MDGA2: variants seen among roughly 807,000 people sequenced by gnomAD.
MDGA2 encodes MAM domain containing glycosylphosphatidylinositol anchor 2, also known as MAM domain-containing glycosylphosphatidylinositol anchor protein 2.
In MDGA2, 40 loss-of-function variants were observed where a neutral mutation model predicts 117.8. That is an observed-to-expected ratio of 0.34 (90% CI 0.26 to 0.44). The LOEUF (loss-of-function observed/expected upper bound fraction) is 0.44. MDGA2 is among the 20% of genes least tolerant of loss of function. MDGA2 has a pLI of 1.00. For synonymous variants in MDGA2, 452 were observed against 439.0 expected, an observed-to-expected ratio of 1.03 and a Z score of -0.37; for missense variants, 1,123 against 1,250.6, an observed-to-expected ratio of 0.90 and a Z score of 1.54.
chr14:47,261,893 A>G (rs1418938492), intron 2 of MDGA2, among the ~76,000 whole-genome samples: 2 of 152,164 alleles, frequency 1.3e-5, no homozygotes, highest in Non-Finnish European at 2.9e-5. Flanking sequence ...TTGCACAGTA[A>G]ACAAGGAGAG....
At chr14:47,066,764 T>C (rs1438777157) in intron 6 of MDGA2, among the ~76,000 whole-genome samples, 4 of 152,082 alleles carry the variant, frequency 2.6e-5, no homozygotes, top group South Asian at 2.1e-4. Context: ...TCTACGCACA[T>C]TTACATTGTC....
At chr14:47,314,829 T>C (rs1273844739) in intron 1 of MDGA2, among the ~76,000 whole-genome samples, 5 of 152,104 alleles carry the variant, frequency 3.3e-5, no homozygotes, top group Non-Finnish European at 4.4e-5. Flanking sequence ...AATCCATAAA[T>C]AGATTACAAT....
chr14:47,257,844 T>A (rs1400659295), intron 2 of MDGA2, among the ~76,000 whole-genome samples: 1 of 152,150 alleles, frequency 6.6e-6, no homozygotes, highest in Non-Finnish European at 1.5e-5. Context: ...ATACTTCTTG[T>A]TCATATTCCT....
chr14:47,342,283 A>T lies in MDGA2; in HGVS notation c.281-40733T>A, dbSNP rs888489715. Among the ~76,000 whole-genome samples, 10 of 139,966 alleles carry T rather than the reference A, an allele frequency of 7.1e-5. No homozygotes were observed. In the East Asian group the frequency reaches 1.5e-3, roughly 21 times the overall value. 91.8% of individuals were successfully genotyped at this position (139,966 alleles called of 152,430 possible). A position where few individuals can be genotyped will look rare whatever the true frequency, so the allele number is the denominator to read the frequency against. ...ATATATATATATATATATATATATA[A>T]AATATGTTATATATATAAATATGTG... On this transcript the variant is annotated intron_variant, in intron 1 of 16. Transcript: ENST00000399232.
chr14:47,362,806 A>C (rs538848625), intron 1 of MDGA2, among the ~76,000 whole-genome samples: 11 of 152,282 alleles, frequency 7.2e-5, no homozygotes, highest in African/African-American at 2.6e-4. Flanking sequence ...GTATTATTTT[A>C]TTGTACTTAT....
chr14:46,870,160 C>A (rs768827391), intron 14 of MDGA2, among the ~76,000 whole-genome samples: 1 of 151,860 alleles, frequency 6.6e-6, no homozygotes, highest in African/African-American at 2.4e-5. Context: ...AGTAATGCAA[C>A]ATATTTAACT....
intron 1 of MDGA2, among the ~76,000 whole-genome samples, chr14:47,642,635 C>T (rs1406070075): frequency 6.6e-6 from 1 of 151,118 alleles, no homozygotes; most frequent in Non-Finnish European, 1.5e-5. Context: ...CTCAATTCTA[C>T]CAGCCCTATC....
At chr14:47,159,179 A>G (rs1883530761) in intron 3 of MDGA2, among the ~76,000 whole-genome samples, 1 of 152,196 alleles carries the variant, frequency 6.6e-6, no homozygotes, top group Admixed American at 6.5e-5. Flanking sequence ...AGCCTAATGT[A>G]AACTATGGAC....
intron 4 of MDGA2, among the ~76,000 whole-genome samples, chr14:47,136,897 A>G (rs1346863128): frequency 6.6e-6 from 1 of 152,236 alleles, no homozygotes; most frequent in African/African-American, 2.4e-5. Context: ...ATGAAGCTGC[A>G]TTTGGGGCCA....
chr14:47,105,752 C>T (rs1295513400), intron 5 of MDGA2, among the ~76,000 whole-genome samples: 3 of 150,908 alleles, frequency 2.0e-5, no homozygotes, highest in African/African-American at 4.9e-5. Flanking sequence ...TTCCTTCTTT[C>T]CCTCCCGCCT....
intron 9 of MDGA2, among the ~76,000 whole-genome samples, chr14:46,941,521 G>C (rs186848108): frequency 4.6e-5 from 7 of 152,030 alleles, no homozygotes; most frequent in Non-Finnish European, 1.0e-4. Flanking sequence ...CATTCCTTCA[G>C]GGTGAAGGAC....
chr14:47,277,475 T>C (rs1353370932), intron 2 of MDGA2, among the ~76,000 whole-genome samples: 1 of 152,190 alleles, frequency 6.6e-6, no homozygotes, highest in Non-Finnish European at 1.5e-5. Context: ...ATTATAAATA[T>C]TAAATTAAGC....
intron 10 of MDGA2, among the ~76,000 whole-genome samples, chr14:46,916,529 G>C (rs763063222): frequency 3.3e-5 from 5 of 151,556 alleles, no homozygotes; most frequent in Non-Finnish European, 4.4e-5. Flanking sequence ...GAATACTTTT[G>C]CCCTACCATC....
chr14:47,004,685 T>C (rs1490231183), intron 8 of MDGA2, among the ~76,000 whole-genome samples: 2 of 151,766 alleles, frequency 1.3e-5, no homozygotes, highest in Non-Finnish European at 3.0e-5. Flanking sequence ...AAAAACAATA[T>C]TGAATATCAC....
At chr14:47,477,994 C>T (rs954360231) in intron 1 of MDGA2, among the ~76,000 whole-genome samples, 4 of 152,172 alleles carry the variant, frequency 2.6e-5, no homozygotes, top group East Asian at 3.9e-4. Flanking sequence ...CCCTTCCCAC[C>T]GTATCTTGCT....
At chr14:46,970,486 T>C (rs1041440338) in intron 8 of MDGA2, among the ~76,000 whole-genome samples, 1 of 152,116 alleles carries the variant, frequency 6.6e-6, no homozygotes, top group Admixed American at 6.6e-5. Context: ...CTGGGAAAAC[T>C]GAATACCCAT....
intron 6 of MDGA2, among the ~76,000 whole-genome samples, chr14:47,075,680 C>T (rs996790218): frequency 1.3e-5 from 2 of 152,062 alleles, no homozygotes; most frequent in Non-Finnish European, 1.5e-5. Context: ...CATTTATACA[C>T]ATTTATATAA....
Position 47,200,534 on chromosome 14 carries a change from C to CTTTTTTTTT in MDGA2, c.595+17478_595+17486dup, listed in dbSNP as rs10639284. 24 of 421,904 alleles carry CTTTTTTTTT rather than the reference C, an allele frequency of 5.7e-5. 1 individual carries two copies. The highest frequency in any genetic ancestry group is 1.7e-4 in the South Asian group (3 of 17,864). The allele number at this position is 421,904 out of a possible 1,614,324, so 26.1% of individuals were successfully genotyped here. A position where few individuals can be genotyped will look rare whatever the true frequency, so the allele number is the denominator to read the frequency against. ...TTCTTTTCTTTTTTCTTTTTCTTTT[C>CTTTTTTTTT]TTTTTTTTTTTTTTTGAGGAGTTAA... On this transcript the variant is annotated intron_variant, in intron 3 of 16. Transcript: ENST00000399232.
At chr14:46,994,178 G>A (rs768767393) in intron 8 of MDGA2, among the ~76,000 whole-genome samples, 5 of 152,098 alleles carry the variant, frequency 3.3e-5, no homozygotes, top group Non-Finnish European at 5.9e-5. Context: ...ATCAGTGCTC[G>A]GAAGGTAATG....
Sources: allele counts gnomAD v4.1 joint callset (sites outside exome capture counted in the v4.1 genomes callset), GRCh38; gene constraint gnomAD v4.1.1; transcripts MANE v1.5; gene names NCBI Gene and HGNC (gene_info 2026-07-23, HGNC 2026-07-21).